KSR2: variants seen among roughly 807,000 people sequenced by gnomAD.
KSR2 encodes the protein kinase suppressor of ras 2.
In KSR2, 25 loss-of-function variants were observed where a neutral mutation model predicts 107.8. The ratio of observed to expected loss-of-function variants is 0.23; its 90% CI spans 0.17 to 0.32. The LOEUF (loss-of-function observed/expected upper bound fraction) is 0.32. Among genes scored for constraint, KSR2 ranks in the 10% least tolerant of loss-of-function variants. KSR2 has a pLI of 1.00. For missense variants in KSR2, 887 were observed against 1,268.9 expected, an observed-to-expected ratio of 0.70 and a Z score of 4.57; for synonymous variants, 480 against 507.0, an observed-to-expected ratio of 0.95 and a Z score of 0.71.
At chr12:117,875,955 C>T (rs1033660028) in intron 1 of KSR2, among the ~76,000 whole-genome samples, 1 of 152,192 alleles carries the variant, frequency 6.6e-6, no homozygotes, top group Non-Finnish European at 1.5e-5. Flanking sequence ...GGCATACAGT[C>T]GGTGCTCAAT....
intron 1 of KSR2, among the ~76,000 whole-genome samples, chr12:117,963,616 C>T (rs907899154): frequency 6.6e-6 from 1 of 151,962 alleles, no homozygotes; most frequent in African/African-American, 2.4e-5. Context: ...AAAAACAAAA[C>T]AAAAAAGCTT....
At chr12:117,733,849 C>T (rs1159970873) in intron 4 of KSR2, among the ~76,000 whole-genome samples, 1 of 152,214 alleles carries the variant, frequency 6.6e-6, no homozygotes, top group Non-Finnish European at 1.5e-5. Context: ...TATACAGACC[C>T]TGAACCCCTC....
chr12:117,706,381 C>T (rs1886532402), intron 4 of KSR2, among the ~76,000 whole-genome samples: 2 of 152,100 alleles, frequency 1.3e-5, no homozygotes, highest in South Asian at 4.2e-4. Flanking sequence ...AATTACCAAC[C>T]CCATTTCACA....
At chr12:117,586,105 T>C (rs1879974032) in intron 5 of KSR2, among the ~76,000 whole-genome samples, 1 of 152,010 alleles carries the variant, frequency 6.6e-6, no homozygotes, top group South Asian at 2.1e-4. Flanking sequence ...GAACCAACAT[T>C]AACAAAGCAT....
intron 14 of KSR2, among the ~76,000 whole-genome samples, chr12:117,499,005 C>A (rs1355168798): frequency 6.6e-6 from 1 of 152,216 alleles, no homozygotes; most frequent in East Asian, 1.9e-4. Context: ...ATGAAATAGA[C>A]CATGAGCCAA....
intron 5 of KSR2, 128 bp downstream of exon 5, chr12:117,667,346 A>G: frequency 1.1e-6 from 1 of 877,574 alleles, no homozygotes; most frequent in Non-Finnish European, 1.8e-6. Context: ...GAAGCTCTAC[A>G]GTGAGCATTT....
At chr12:117,935,025 G>A (rs1304804651) in intron 1 of KSR2, among the ~76,000 whole-genome samples, 1 of 151,122 alleles carries the variant, frequency 6.6e-6, no homozygotes, top group Admixed American at 6.6e-5. Flanking sequence ...ACAGGCTCTT[G>A]CTACCTTGCC....
At chr12:117,642,331 T>C (rs946471267) in intron 5 of KSR2, among the ~76,000 whole-genome samples, 2 of 152,194 alleles carry the variant, frequency 1.3e-5, no homozygotes, top group African/African-American at 2.4e-5. Flanking sequence ...AAAATGTTTC[T>C]GATTGGATGA....
chr12:117,807,081 G>A (rs532156346), intron 3 of KSR2, among the ~76,000 whole-genome samples: 1 of 152,282 alleles, frequency 6.6e-6, no homozygotes, highest in Non-Finnish European at 1.5e-5. Flanking sequence ...TTTTCATGGT[G>A]GGGAATCTGC....
intron 4 of KSR2, among the ~76,000 whole-genome samples, chr12:117,693,258 T>C (rs561112022): frequency 8.5e-5 from 13 of 152,276 alleles, no homozygotes; most frequent in African/African-American, 3.1e-4. Context: ...CAGTGTGAGA[T>C]AAATACCAAG....
At chr12:117,739,163 G>T (rs932089586) in intron 4 of KSR2, among the ~76,000 whole-genome samples, 2 of 152,144 alleles carry the variant, frequency 1.3e-5, no homozygotes, top group African/African-American at 2.4e-5. Context: ...AGACTATCCT[G>T]GCTGACACGG....
chr12:117,650,792 A>G (rs184277296), intron 5 of KSR2, among the ~76,000 whole-genome samples: 1 of 152,332 alleles, frequency 6.6e-6, no homozygotes, highest in East Asian at 1.9e-4. Context: ...TAAAATTATG[A>G]AAGAAATTAT....
chr12:117,830,609 T>G (rs1891926121), intron 3 of KSR2, among the ~76,000 whole-genome samples: 1 of 152,206 alleles, frequency 6.6e-6, no homozygotes, highest in African/African-American at 2.4e-5. Flanking sequence ...TACCATCTCC[T>G]AAGAAAGCCT....
At chr12:117,506,613 G>T (rs1376743771) in intron 14 of KSR2, among the ~76,000 whole-genome samples, 1 of 152,156 alleles carries the variant, frequency 6.6e-6, no homozygotes, top group Admixed American at 6.6e-5. Context: ...CCTTTTTAGA[G>T]AATAAATGTA....
chr12:117,573,916 C>T (rs926794459), intron 7 of KSR2, among the ~76,000 whole-genome samples: 1 of 152,172 alleles, frequency 6.6e-6, no homozygotes, highest in African/African-American at 2.4e-5. Context: ...AGATTCCTAT[C>T]TATAGAGTGA....
chr12:117,887,685 T>A (rs892988751), intron 1 of KSR2, among the ~76,000 whole-genome samples: 2 of 152,204 alleles, frequency 1.3e-5, no homozygotes, highest in Non-Finnish European at 2.9e-5. Flanking sequence ...CTTCACTCAG[T>A]GGCTCATCAG....
intron 3 of KSR2, among the ~76,000 whole-genome samples, chr12:117,851,005 C>A (rs1892902477): frequency 6.6e-6 from 1 of 152,158 alleles, no homozygotes; most frequent in African/African-American, 2.4e-5. Flanking sequence ...TTAAGTGGCA[C>A]CATCACCTGC....
rs569541580 is a variant in KSR2, at chr12:117,596,072, C to T, written c.1172-13713G>A. On this transcript the variant is annotated intron_variant, in intron 5 of 19. Transcript: ENST00000339824. ...TCCCTTCCCTCCCCTCCCCTCCCCT[C>T]CCCTCTGTTCTCATGCTGCCAATAA... Among the ~76,000 whole-genome samples the T allele has an allele frequency of 1.9e-3, 291 of 151,342 alleles. 1 individual carries two copies. The highest frequency in any genetic ancestry group is 6.7e-3 in the African/African-American group (275 of 41,300).
chr12:117,766,718 G>C (rs968321216), intron 3 of KSR2, among the ~76,000 whole-genome samples: 12 of 152,052 alleles, frequency 7.9e-5, no homozygotes, highest in African/African-American at 2.4e-4. Context: ...CCTAAGCCCA[G>C]AACTTGAAGG....
Sources: allele counts gnomAD v4.1 joint callset (sites outside exome capture counted in the v4.1 genomes callset), GRCh38; gene constraint gnomAD v4.1.1; transcripts MANE v1.5; gene names NCBI Gene and HGNC (gene_info 2026-07-23, HGNC 2026-07-21).